Variants in POLRMT observed in about 807,000 individuals in gnomAD.
POLRMT encodes the protein DNA-directed RNA polymerase, mitochondrial.
Under a neutral mutation model 132.2 loss-of-function variants are expected in POLRMT, and 114 were observed. The observed-to-expected ratio is 0.86, with a 90% confidence interval of 0.74 to 1.01. The LOEUF (loss-of-function observed/expected upper bound fraction) is 1.01. POLRMT is among the 50% of genes least tolerant of loss of function. POLRMT has a pLI of 0.00. For synonymous variants in POLRMT, 1,020 were observed against 773.4 expected (o/e 1.32, Z -5.29); for missense variants, 2,003 against 1,729.1 (o/e 1.16, Z -2.81).
At chr19:633,287 G>A in intron 1 of POLRMT, 138 bp downstream of exon 1, 1 of 1,111,082 alleles carries the variant, frequency 9.0e-7, no homozygotes, top group Non-Finnish European at 1.2e-6. Flanking sequence ...AAGGGCGAGT[G>A]GAAAGCGGGG....
At chr19:618,830 T>C in intron 15 of POLRMT, 70 bp from the exon 16 acceptor site, 3 of 1,505,062 alleles carry the variant, frequency 2.0e-6, no homozygotes, top group Non-Finnish European at 2.7e-6. Flanking sequence ...GAGGTGGTGG[T>C]ACACTGGGGT....
In POLRMT at chr19:621,540, G is replaced by A. The variant is rs867093182; in HGVS notation, c.2158C>T (p.Leu720Phe). 26 of 1,405,948 alleles carry A rather than the reference G, an allele frequency of 1.8e-5. No homozygotes were observed. The highest frequency in any genetic ancestry group is 2.6e-4 in the Middle Eastern group (1 of 3,838). The allele number at this position is 1,405,948 out of a possible 1,614,324, so 87.1% of individuals were successfully genotyped here. Residue 720 changes from leucine to phenylalanine, a missense_variant, in exon 10 of 21, where the codon CTC (leucine) becomes TTC (phenylalanine). By Grantham distance (22) the Leu-to-Phe change is conservative (BLOSUM62 0). Transcript: ENST00000588649. ...TGGGGGCAGCCCTTGGCCTGGAAGA[G>A]CTGCAGCACCAGGTCCAGCACGCGC... ...NGRVLDLVLQ[L>F]FQAKGCPQLG...
At chr19:633,283 G>A in intron 1 of POLRMT, 142 bp downstream of exon 1, 1 of 1,057,082 alleles carries the variant, frequency 9.5e-7, no homozygotes, top group Non-Finnish European at 1.3e-6. Context: ...GGGCAAGGGC[G>A]AGTGGAAAGC....
At position 622,415 on chromosome 19, in the gene POLRMT, T is replaced by C. The variant is rs550446392; in HGVS notation, c.1627-42A>G. 283 of 1,503,322 alleles carry C rather than the reference T, an allele frequency of 1.9e-4. No individual in the cohort carries two copies. In the East Asian group the frequency reaches 7.0e-3, roughly 37 times the overall value. The allele number at this position is 1,503,322 out of a possible 1,614,324, so 93.1% of individuals were successfully genotyped here. On this transcript the variant is annotated intron_variant, in intron 8 of 20. Coordinates refer to ENST00000588649, the MANE Select transcript of POLRMT (RefSeq NM_005035.4). ...TCAGGGCGCTGGGCACCGGGGCCCC[T>C]GAGCTAGATGCCCCACCGCCCGTGC...
intron 3 of POLRMT, among the ~76,000 whole-genome samples, chr19:626,897 A>ACACACACACACACACG (rs1055687543): frequency 7.0e-6 from 1 of 142,798 alleles, no homozygotes; most frequent in African/African-American, 2.6e-5. Context: ...ACACACACAC[A>ACACACACACACACACG]CATATATATA....
chr19:622,777 T>C, intron 7 of POLRMT, 25 bp from the exon 8 acceptor site: 5 of 1,558,124 alleles, frequency 3.2e-6, no homozygotes, highest in Non-Finnish European at 4.3e-6. Context: ...CGTGAGTGCC[T>C]GCCCGCCCCG....
At position 621,462 on chromosome 19, in the gene POLRMT, G is replaced by A. The variant is rs1330470527; in HGVS notation, c.2236C>T (p.Leu746=). Reference sequence around the variant, plus strand: ...CGGGCGGGCGCGGCGCTGTGCGGCAGGTGGGCCTCGGGCGGCTGGGGCGCC... The same window carrying A: ...CGGGCGGGCGCGGCGCTGTGCGGCAAGTGGGCCTCGGGCGGCTGGGGCGCC... The part of the protein sequence containing the change: ...SEAPQPPEAH[L]PHSAAPARKA... The change falls in exon 10 of 21, where the codon CTG becomes TTG. Residue 746 remains leucine, a synonymous_variant. Coordinates refer to ENST00000588649, the MANE Select transcript of POLRMT (RefSeq NM_005035.4). 7.2e-7 allele frequency: 1 copy of A among 1,379,784 alleles called. No individual in the cohort carries two copies. The highest frequency in any genetic ancestry group is 9.3e-7 in the Non-Finnish European group (1 of 1,074,882). 85.5% of individuals were successfully genotyped at this position (1,379,784 alleles called of 1,614,324 possible).
intron 17 of POLRMT, chr19:618,230 C>T (rs1306275727): frequency 2.0e-5 from 11 of 547,890 alleles, no homozygotes; most frequent in East Asian, 8.9e-5. Context: ...CCACACATCG[C>T]GGTGCCAAGA....
chr19:622,966 A>T lies in POLRMT; in HGVS notation c.1310T>A (p.Leu437Gln). The change falls in exon 7 of 21, where the codon CTG (leucine) becomes CAG (glutamine). Residue 437 changes from leucine to glutamine, a missense_variant. Physicochemically the swap from Leu to Gln is moderately radical, Grantham distance 113 (BLOSUM62 -2). Coordinates refer to ENST00000588649, the MANE Select transcript of POLRMT (RefSeq NM_005035.4). ...VKHARKTLKTLRDQWEKALCR... is the reference protein window; with the variant it reads ...VKHARKTLKTQRDQWEKALCR... Reference sequence around the variant, plus strand: ...CAGTGCTTTCTCCCATTGGTCCCGCAGGGTCTTCAGGGTCTTCCGCTGCGG... The same window carrying T: ...CAGTGCTTTCTCCCATTGGTCCCGCTGGGTCTTCAGGGTCTTCCGCTGCGG... The T allele has an allele frequency of 6.2e-7, 1 of 1,612,534 alleles. No homozygotes were observed.
In POLRMT at chr19:625,177, C is replaced by T. The variant is rs755033926; in HGVS notation, c.900G>A (p.Ala300=). The T allele has an allele frequency of 2.0e-5, 33 of 1,613,898 alleles. No homozygotes were observed. Among genetic ancestry groups the T allele is most frequent in the Non-Finnish European group, 2.3e-5 (27 of 1,180,002 alleles). ...AGLTPDLLSY[A]AALQCMGRQD... is the part of the protein sequence containing the mutation. ...GCCTCCCCATGCACTGGAGGGCAGC[C>T]GCATAGGACAGCAGGTCCGGAGTCA... The change falls in exon 4 of 21, where the codon GCG becomes GCA. Residue 300 remains alanine, a synonymous_variant. Coordinates refer to ENST00000588649, the MANE Select transcript of POLRMT (RefSeq NM_005035.4).
intron 5 of POLRMT, 65 bp from the exon 6 acceptor site, chr19:623,668 G>C: frequency 1.3e-6 from 2 of 1,568,748 alleles, no homozygotes; most frequent in Non-Finnish European, 1.7e-6. Context: ...CCAGGACCCC[G>C]AGACAGCATG....
Position 617,243 on chromosome 19 carries a change from T to C in POLRMT, c.*31A>G, listed in dbSNP as rs774399625. On this transcript the variant is annotated 3_prime_UTR_variant, in exon 21 of 21. Coordinates refer to ENST00000588649, the MANE Select transcript of POLRMT (RefSeq NM_005035.4). Reference sequence around the variant, plus strand: ...GGCTCCTGGGGGTGGCAAAAGAGCTTTATTTACACACTGACAAGGCTCACG... The same window carrying C: ...GGCTCCTGGGGGTGGCAAAAGAGCTCTATTTACACACTGACAAGGCTCACG... 6.2e-7 allele frequency: 1 copy of C among 1,611,416 alleles called. No individual in the cohort carries two copies. The highest frequency in any genetic ancestry group is 1.1e-5 in the South Asian group (1 of 91,006).
At chr19:630,833 G>T (rs11669897) in intron 2 of POLRMT, among the ~76,000 whole-genome samples, 16,607 of 152,256 alleles carry the variant, frequency 0.11, 1,099 homozygotes, top group Middle Eastern at 0.16. Context: ...ATGCCTAAGT[G>T]TTCTGTATCT....
chr19:622,069 C>T (rs971824048), intron 9 of POLRMT, 80 bp downstream of exon 9: 18 of 1,335,696 alleles, frequency 1.3e-5, no homozygotes, highest in Middle Eastern at 2.6e-4. Flanking sequence ...ATCAAGGCTC[C>T]GCCCAAAGGC....
chr19:620,918 CGGG>C lies in POLRMT; in HGVS notation c.2640+137_2640+139del. The C allele has an allele frequency of 4.3e-5, 5 of 115,372 alleles. 2 individuals are homozygous for C. In the East Asian group the frequency reaches 5.4e-4, roughly 12 times the overall value. 7.1% of individuals were successfully genotyped at this position (115,372 alleles called of 1,614,324 possible). On this transcript the variant is annotated intron_variant, in intron 10 of 20. Transcript: ENST00000588649. ...GGGGAGGGGGAGGGGAGGAGGAAGA[CGGG>C]CAGGGGGCGCCAGGGGAGGGGGAGG...
rs1330470527 is a variant in POLRMT, at chr19:621,462, G to C, written c.2236C>G (p.Leu746Val). 2 of 1,379,784 alleles carry C rather than the reference G, an allele frequency of 1.4e-6. No individual in the cohort carries two copies. The highest frequency in any genetic ancestry group is 3.7e-5 in the Admixed American group (1 of 27,238). 85.5% of individuals were successfully genotyped at this position (1,379,784 alleles called of 1,614,324 possible). The change falls in exon 10 of 21, where the codon CTG (leucine) becomes GTG (valine). Residue 746 changes from leucine to valine, a missense_variant. Physicochemically the swap from Leu to Val is conservative, Grantham distance 32. Transcript: ENST00000588649. The stretch of plus-strand genomic sequence containing the variant: ...CGGGCGGGCGCGGCGCTGTGCGGCA[G>C]GTGGGCCTCGGGCGGCTGGGGCGCC... The part of the protein sequence containing the change: ...SEAPQPPEAH[L>V]PHSAAPARKA...
chr19:619,996 C>A lies in POLRMT; in HGVS notation c.2848G>T (p.Asp950Tyr). The A allele has an allele frequency of 6.3e-7, 1 of 1,594,006 alleles. No homozygotes were observed. The highest frequency in any genetic ancestry group is 8.5e-7 in the Non-Finnish European group (1 of 1,174,318). ...CCGCTGTACACGTCCTGCGGCACAT[C>A]CGAGGGCTCCAGGTTGACGGAGGCG... ...GAASVNLEPS[D>Y]VPQDVYSGVA... The change falls in exon 12 of 21, where the codon GAT becomes TAT. Residue 950 changes from aspartate to tyrosine, a missense_variant. Coordinates refer to ENST00000588649, the MANE Select transcript of POLRMT (RefSeq NM_005035.4).
Position 629,794 on chromosome 19 carries a change from G to C in POLRMT, c.568C>G (p.Gln190Glu), listed in dbSNP as rs779583174. The stretch of plus-strand genomic sequence containing the variant: ...GCCTCCTGCAGCAGCCGGGCCAGCT[G>C]CTCCTCCCAGGGGCTCTCGGGGGCC... ...RQAPESPWEE[Q>E]LARLLQEAPG... is the part of the protein sequence containing the mutation. Residue 190 changes from glutamine (Q) to glutamate (E), a missense_variant, in exon 3 of 21, where the codon CAG becomes GAG. Physicochemically the swap from Gln to Glu is conservative, Grantham distance 29. Transcript: ENST00000588649. 1 of 1,574,126 alleles carries C rather than the reference G, an allele frequency of 6.4e-7. No homozygotes were observed. The highest frequency in any genetic ancestry group is 8.6e-7 in the Non-Finnish European group (1 of 1,160,954).
At chr19:620,785 G>T (rs1286196910) in intron 10 of POLRMT, among the ~76,000 whole-genome samples, 1 of 127,646 alleles carries the variant, frequency 7.8e-6, no homozygotes, top group African/African-American at 3.0e-5. Flanking sequence ...GGATGCAGGG[G>T]AGGGGGGAAC....
Sources: allele counts gnomAD v4.1 joint callset (sites outside exome capture counted in the v4.1 genomes callset), GRCh38; gene constraint gnomAD v4.1.1; transcripts MANE v1.5; gene names NCBI Gene and HGNC (gene_info 2026-07-23, HGNC 2026-07-21).